The following RPTOR variants were observed in gnomAD, a reference collection of about 807,000 sequenced individuals.
RPTOR encodes the protein regulatory associated protein of MTOR complex 1, also known as regulatory-associated protein of mTOR.
RPTOR carries 21 observed loss-of-function variants against 169.9 expected under a neutral mutation model. The ratio of observed to expected loss-of-function variants is 0.12; its 90% CI spans 0.09 to 0.18. RPTOR has a LOEUF of 0.18. Ranked by LOEUF, RPTOR falls within the 10% of genes least tolerant of loss-of-function variation. RPTOR has a pLI of 1.00. For missense variants in RPTOR, 1,133 were observed against 1,855.9 expected (o/e 0.61, Z 7.16); for synonymous variants, 732 against 753.2 (o/e 0.97, Z 0.46).
intron 14 of RPTOR, among the ~76,000 whole-genome samples, chr17:80,880,783 A>C (rs986779461): frequency 6.6e-6 from 1 of 152,146 alleles, no homozygotes; most frequent in Non-Finnish European, 1.5e-5. Flanking sequence ...TCTTTGCAAA[A>C]TAGTCAAATC....
intron 1 of RPTOR, among the ~76,000 whole-genome samples, chr17:80,605,615 G>A (rs911997415): frequency 2.0e-5 from 3 of 152,178 alleles, no homozygotes; most frequent in Admixed American, 2.0e-4. Flanking sequence ...GGGTACCAGT[G>A]AGGCCTAGAC....
chr17:80,865,899 C>G (rs752753315), intron 13 of RPTOR, among the ~76,000 whole-genome samples: 16 of 152,196 alleles, frequency 1.1e-4, no homozygotes, highest in Admixed American at 5.2e-4. Flanking sequence ...TAAACCTCAA[C>G]AAATGTAAAG....
rs966406437 is a variant in RPTOR, at chr17:80,562,940, G to A, written c.162+17149G>A. Among the ~76,000 whole-genome samples, 2 of 152,238 alleles carry A rather than the reference G, an allele frequency of 1.3e-5. No individual in the cohort carries two copies. Among genetic ancestry groups the A allele is most frequent in the African/African-American group, 4.8e-5 (2 of 41,468 alleles). ...TTTCAGCTAGGTGTGACCGTCGCCT[G>A]CCTTGCTGCCGATGTCCTGAAGATG... On this transcript the variant is annotated intron_variant, in intron 1 of 33. Transcript: ENST00000306801. The surrounding 1 kb of genome is among the most constrained non-coding windows in gnomAD (Gnocchi z 4.4).
chr17:80,928,354 C>A (rs1054728078), intron 24 of RPTOR, among the ~76,000 whole-genome samples: 1 of 152,152 alleles, frequency 6.6e-6, no homozygotes, highest in African/African-American at 2.4e-5. Flanking sequence ...GCATTAGGAA[C>A]TTCTTGTTAT....
At position 80,545,040 on chromosome 17, in the gene RPTOR, A is replaced by G. The variant is rs183463964; in HGVS notation, c.-590A>G. 233 of 233,126 alleles carry G rather than the reference A, an allele frequency of 1.0e-3. No homozygotes were observed. The highest frequency in any genetic ancestry group is 4.6e-3 in the African/African-American group (209 of 45,428). 14.4% of individuals were successfully genotyped at this position (233,126 alleles called of 1,614,324 possible). Reference sequence around the variant, plus strand: ...GGCCAGGACCAGCCAGGCCGCGCGGACCTGAGGTTGAGGAACCGGGTGCAG... The same window carrying G: ...GGCCAGGACCAGCCAGGCCGCGCGGGCCTGAGGTTGAGGAACCGGGTGCAG... On this transcript the variant is annotated 5_prime_UTR_variant, in exon 1 of 34. Coordinates refer to ENST00000306801, the MANE Select transcript of RPTOR (RefSeq NM_020761.3).
intron 9 of RPTOR, among the ~76,000 whole-genome samples, chr17:80,825,980 T>C (rs552981982): frequency 6.6e-6 from 1 of 151,810 alleles, no homozygotes; most frequent in Non-Finnish European, 1.5e-5. Context: ...GGGTCAGCGG[T>C]GGAGGGGTGG....
At chr17:80,853,621 G>A (rs116619374) in intron 11 of RPTOR, among the ~76,000 whole-genome samples, 2,340 of 152,232 alleles carry the variant, frequency 0.015, 74 homozygotes, top group African/African-American at 0.053. Flanking sequence ...GGAGGGAGTC[G>A]ATGCACATGC....
intron 7 of RPTOR, chr17:80,802,880 G>A (rs1020512897): frequency 6.6e-6 from 1 of 152,354 alleles, no homozygotes; most frequent in Admixed American, 6.5e-5. Flanking sequence ...CGCATAACCG[G>A]GATGAGGCTC....
chr17:80,710,571 ATGTGTGTGTGTGTGTGTG>A (rs59732457), intron 4 of RPTOR, among the ~76,000 whole-genome samples: 3 of 145,024 alleles, frequency 2.1e-5, no homozygotes, highest in African/African-American at 5.2e-5. Flanking sequence ...GGTTATTTGT[ATGTGTGTGTGTGTGTGTG>A]TGTGTGTGTG....
At chr17:80,925,636 A>C (rs1239955474) in intron 24 of RPTOR, among the ~76,000 whole-genome samples, 156 bp downstream of exon 24, 2 of 152,198 alleles carry the variant, frequency 1.3e-5, no homozygotes, top group Non-Finnish European at 2.9e-5. Flanking sequence ...CAGAAGAAAC[A>C]AACTTCACTT....
At chr17:80,625,881 A>G (rs1050735740) in intron 2 of RPTOR, 88 bp downstream of exon 2, 2 of 879,686 alleles carry the variant, frequency 2.3e-6, no homozygotes, top group African/African-American at 1.6e-5. Flanking sequence ...GGTCTGGTCC[A>G]GGGGCCCGTC....
At chr17:80,601,088 C>T (rs2065182451) in intron 1 of RPTOR, among the ~76,000 whole-genome samples, 1 of 152,168 alleles carries the variant, frequency 6.6e-6, no homozygotes, top group Non-Finnish European at 1.5e-5. Context: ...TCTCAGAACC[C>T]AAGACCAGCC....
chr17:80,834,357 G>A (rs1304163464), intron 9 of RPTOR, among the ~76,000 whole-genome samples: 1 of 152,200 alleles, frequency 6.6e-6, no homozygotes, highest in Non-Finnish European at 1.5e-5. Context: ...AGACAGCTCT[G>A]CCTCGAGTCC....
rs1414517045 is a variant in RPTOR at position 80,933,344 on chromosome 17, GA to G, written c.2920-7148del. ...TATCAGAATCCCCTACACTAGTAATGAAAACCCTAAAAATGCAATCAAGAAA... is the reference window on the plus strand; with the variant it reads ...TATCAGAATCCCCTACACTAGTAATGAAACCCTAAAAATGCAATCAAGAAA... On this transcript the variant is annotated intron_variant, in intron 24 of 33. Transcript: ENST00000306801. Among the ~76,000 whole-genome samples, 12 of 152,232 alleles carry G rather than the reference GA, an allele frequency of 7.9e-5. No individual in the cohort carries two copies. In the South Asian group the frequency reaches 2.5e-3, roughly 32 times the overall value.
At chr17:80,661,071 C>G (rs1344086433) in intron 3 of RPTOR, among the ~76,000 whole-genome samples, 1 of 152,226 alleles carries the variant, frequency 6.6e-6, no homozygotes, top group Non-Finnish European at 1.5e-5. Flanking sequence ...TTACTGCCGA[C>G]CTACCACACT....
chr17:80,836,459 C>T (rs8077425), intron 9 of RPTOR, among the ~76,000 whole-genome samples: 3 of 152,144 alleles, frequency 2.0e-5, no homozygotes, highest in East Asian at 3.9e-4. Flanking sequence ...CGGCCTTGGG[C>T]GCGTGGCTGT....
chr17:80,626,325 A>T (rs2065393894), intron 2 of RPTOR, among the ~76,000 whole-genome samples: 1 of 148,818 alleles, frequency 6.7e-6, no homozygotes, highest in Non-Finnish European at 1.5e-5. Context: ...TACTGGGATT[A>T]CAGGCCAATT....
chr17:80,937,344 C>T (rs2144028744), intron 24 of RPTOR, among the ~76,000 whole-genome samples: 1 of 152,352 alleles, frequency 6.6e-6, no homozygotes, highest in Non-Finnish European at 1.5e-5. Context: ...AGACTCAGCT[C>T]TAAGGCTCCC....
At chr17:80,797,877 C>T (rs998164513) in intron 7 of RPTOR, among the ~76,000 whole-genome samples, 4 of 152,186 alleles carry the variant, frequency 2.6e-5, no homozygotes, top group Admixed American at 6.5e-5. Context: ...TGTTAACTCC[C>T]GTAACGCTAG....
Sources: gnomAD v4.1 joint callset for allele counts (sites outside exome capture counted in the v4.1 genomes callset) on GRCh38, gnomAD v4.1.1 for gene constraint, Gnocchi (gnomAD v3.1) non-coding constraint, MANE v1.5 for transcripts, NCBI Gene and HGNC (gene_info 2026-07-23, HGNC 2026-07-21) for gene names.